Variants in NSMCE2 observed in about 807,000 individuals in gnomAD.
The protein encoded by NSMCE2 is E3 SUMO-protein ligase NSE2.
A neutral mutation model predicts 23.8 loss-of-function variants in NSMCE2; 24 were observed. The ratio of observed to expected loss-of-function variants is 1.01; its 90% confidence interval spans 0.73 to 1.42. The LOEUF is 1.42. Among genes scored for constraint, NSMCE2 ranks in the 40% most tolerant of loss-of-function variants. The pLI is 0.00. For missense variants in NSMCE2, 284 were observed against 296.5 expected (o/e 0.96, Z 0.31); for synonymous variants, 92 against 94.1 (o/e 0.98, Z 0.13).
At chr8:125,262,901 T>C (rs1826755991) in intron 5 of NSMCE2, among the ~76,000 whole-genome samples, 1 of 142,552 alleles carries the variant, frequency 7.0e-6, no homozygotes, top group Non-Finnish European at 1.5e-5. Context: ...AATGTGGCAG[T>C]GGTTTTGACC....
intron 5 of NSMCE2, among the ~76,000 whole-genome samples, chr8:125,205,755 C>G (rs757802678): frequency 3.3e-5 from 5 of 152,000 alleles, no homozygotes; most frequent in Non-Finnish European, 5.9e-5. Flanking sequence ...CCTGAAGGAG[C>G]AGAGGGTTGA....
intron 5 of NSMCE2, among the ~76,000 whole-genome samples, chr8:125,214,258 G>A (rs1001344603): frequency 6.6e-6 from 1 of 152,162 alleles, no homozygotes; most frequent in Admixed American, 6.5e-5. Flanking sequence ...TCGTTGGAAG[G>A]CAGAATATAC....
intron 5 of NSMCE2, among the ~76,000 whole-genome samples, chr8:125,237,191 C>G (rs1825591991): frequency 6.6e-6 from 1 of 152,044 alleles, no homozygotes; most frequent in South Asian, 2.1e-4. Flanking sequence ...GAAATTACCC[C>G]CTGAAAAGTA....
chr8:125,257,090 G>T (rs1287315022), intron 5 of NSMCE2, among the ~76,000 whole-genome samples: 2 of 151,202 alleles, frequency 1.3e-5, no homozygotes, highest in Non-Finnish European at 3.0e-5. Context: ...TCGAGGCCAG[G>T]CTGGCCAACA....
intron 5 of NSMCE2, among the ~76,000 whole-genome samples, chr8:125,318,596 T>C (rs1829301098): frequency 6.6e-6 from 1 of 152,084 alleles, no homozygotes; most frequent in Non-Finnish European, 1.5e-5. Flanking sequence ...AGCCAAAAAC[T>C]AGAAGCAAAC....
intron 5 of NSMCE2, among the ~76,000 whole-genome samples, chr8:125,276,948 C>T (rs1450563483): frequency 6.6e-6 from 1 of 152,066 alleles, no homozygotes; most frequent in East Asian, 1.9e-4. Flanking sequence ...GTGAATGGCT[C>T]CCCCTGGAGT....
chr8:125,169,793 C>T (rs888191405), intron 4 of NSMCE2, among the ~76,000 whole-genome samples: 1 of 151,998 alleles, frequency 6.6e-6, no homozygotes, highest in Non-Finnish European at 1.5e-5. Context: ...TTACTTTCAG[C>T]TTTAAGCTCA....
At chr8:125,182,326 T>G (rs1347552301) in intron 5 of NSMCE2, 70 bp downstream of exon 5, 1 of 1,159,774 alleles carries the variant, frequency 8.6e-7, no homozygotes, top group Non-Finnish European at 1.3e-6. Flanking sequence ...ACAGCCCCAG[T>G]TAACTGATTT....
chr8:125,265,857 A>T (rs1826887896), intron 5 of NSMCE2, among the ~76,000 whole-genome samples: 1 of 152,152 alleles, frequency 6.6e-6, no homozygotes, highest in African/African-American at 2.4e-5. Flanking sequence ...CCATTATTTG[A>T]GAATGACTTT....
At chr8:125,345,253 T>G (rs1234276243) in intron 5 of NSMCE2, among the ~76,000 whole-genome samples, 1 of 152,214 alleles carries the variant, frequency 6.6e-6, no homozygotes, top group African/African-American at 2.4e-5. Context: ...TTTTGGTAAT[T>G]TGCTTTTGTA....
chr8:125,174,473 G>T (rs1286550810), intron 4 of NSMCE2, among the ~76,000 whole-genome samples: 1 of 152,144 alleles, frequency 6.6e-6, no homozygotes, highest in African/African-American at 2.4e-5. Context: ...ATTCCGGTTG[G>T]TCATCGTATT....
At chr8:125,353,778 G>C (rs1813135208) in intron 5 of NSMCE2, among the ~76,000 whole-genome samples, 1 of 151,860 alleles carries the variant, frequency 6.6e-6, no homozygotes, top group Non-Finnish European at 1.5e-5. Flanking sequence ...AGCTATTTGG[G>C]AGGCTGAGGC....
chr8:125,340,820 G>T (rs549223646), intron 5 of NSMCE2, among the ~76,000 whole-genome samples: 1 of 152,268 alleles, frequency 6.6e-6, no homozygotes, highest in Non-Finnish European at 1.5e-5. Context: ...TCCCTCACAA[G>T]GTCTTTCCAA....
At chr8:125,166,149 A>G (rs982236808) in intron 4 of NSMCE2, among the ~76,000 whole-genome samples, 2 of 152,226 alleles carry the variant, frequency 1.3e-5, no homozygotes, top group Non-Finnish European at 2.9e-5. Flanking sequence ...ATTTATTAGA[A>G]AAGTCATGGC....
chr8:125,168,340 A>G (rs1247798027), intron 4 of NSMCE2, among the ~76,000 whole-genome samples: 1 of 152,188 alleles, frequency 6.6e-6, no homozygotes, highest in Non-Finnish European at 1.5e-5. Flanking sequence ...TGGGAGGAGG[A>G]TGGAAGAAAA....
At chr8:125,326,129 C>T (rs1474388855) in intron 5 of NSMCE2, among the ~76,000 whole-genome samples, 2 of 151,712 alleles carry the variant, frequency 1.3e-5, no homozygotes, top group African/African-American at 4.8e-5. Context: ...CGGTGGCAGG[C>T]GCCTGTAGTC....
intron 5 of NSMCE2, among the ~76,000 whole-genome samples, chr8:125,246,993 G>T (rs895177463): frequency 1.3e-5 from 2 of 150,948 alleles, no homozygotes; most frequent in Non-Finnish European, 2.9e-5. Context: ...CTATAGTCAC[G>T]TTGCTTTACT....
At chr8:125,348,080 T>C (rs769576690) in intron 5 of NSMCE2, 1 of 152,216 alleles carries the variant, frequency 6.6e-6, no homozygotes, top group Non-Finnish European at 1.5e-5. Context: ...AACACTTTGC[T>C]TTGTAGGTGT....
intron 5 of NSMCE2, among the ~76,000 whole-genome samples, chr8:125,250,183 T>C (rs923238884): frequency 6.6e-6 from 1 of 152,162 alleles, no homozygotes; most frequent in African/African-American, 2.4e-5. Flanking sequence ...AGAGATGGGG[T>C]TTCACCATGT....
Sources: allele counts gnomAD v4.1 joint callset (sites outside exome capture counted in the v4.1 genomes callset), GRCh38; gene constraint gnomAD v4.1.1; transcripts MANE v1.5; gene names NCBI Gene and HGNC (gene_info 2026-07-23, HGNC 2026-07-21).